PTPRD: variants seen among roughly 807,000 people sequenced by gnomAD.
PTPRD encodes protein tyrosine phosphatase receptor type D.
PTPRD carries 34 observed loss-of-function variants against 214.5 expected under a neutral mutation model. The observed-to-expected ratio is 0.16, with a 90% CI of 0.12 to 0.21. The LOEUF (loss-of-function observed/expected upper bound fraction) is 0.21, where lower values mean the gene tolerates loss of function less well. Ranked by LOEUF, PTPRD falls within the 10% of genes least tolerant of loss-of-function variation. The pLI is 1.00. For missense variants in PTPRD, 2,545 were observed against 2,398.7 expected (o/e 1.06, Z -1.27); for synonymous variants, 1,128 against 845.7 (o/e 1.33, Z -5.79).
Position 10,155,313 on chromosome 9 carries a change from T to C in PTPRD, c.-544-121523A>G, listed in dbSNP as rs921863320. Among the ~76,000 whole-genome samples the C allele has an allele frequency of 5.9e-5, 9 of 152,238 alleles. 1 individual carries two copies. The highest frequency in any genetic ancestry group is 2.2e-4 in the African/African-American group (9 of 41,556). On this transcript the variant is annotated intron_variant, in intron 3 of 45. Coordinates refer to ENST00000381196, the MANE Select transcript of PTPRD (RefSeq NM_002839.4). ...ATGTTGGTTTTATATCATGAGACTT[T>C]GCTGAAGTTGTTTACCAGCTGAAGG... is the stretch of plus-strand genomic sequence containing the variant.
chr9:10,253,026 C>T (rs746457883), intron 3 of PTPRD, among the ~76,000 whole-genome samples: 49 of 152,094 alleles, frequency 3.2e-4, no homozygotes, highest in South Asian at 2.1e-4. Context: ...TCAGGTGATC[C>T]GTCTGCCTTG....
At chr9:9,034,825 G>T (rs552192009) in intron 10 of PTPRD, among the ~76,000 whole-genome samples, 1 of 152,270 alleles carries the variant, frequency 6.6e-6, no homozygotes, top group South Asian at 2.1e-4. Context: ...CATGGGACAG[G>T]AACACCACTC....
intron 21 of PTPRD, among the ~76,000 whole-genome samples, chr9:8,516,745 A>G (rs1300327971): frequency 6.6e-6 from 1 of 151,834 alleles, no homozygotes; most frequent in Non-Finnish European, 1.5e-5. Flanking sequence ...GGTTTAAAAG[A>G]TGCCAACACA....
intron 21 of PTPRD, among the ~76,000 whole-genome samples, chr9:8,515,218 T>A (rs1009635587): frequency 9.9e-5 from 15 of 152,236 alleles, no homozygotes; most frequent in African/African-American, 3.4e-4. Flanking sequence ...AATCACGTTT[T>A]ATCCTCTTTG....
At chr9:9,549,286 G>A (rs1359584896) in intron 8 of PTPRD, among the ~76,000 whole-genome samples, 2 of 151,770 alleles carry the variant, frequency 1.3e-5, no homozygotes, top group East Asian at 3.9e-4. Context: ...AGACACACAC[G>A]ACAAAGGACT....
intron 9 of PTPRD, among the ~76,000 whole-genome samples, chr9:9,242,499 G>A (rs1306219302): frequency 2.0e-5 from 3 of 151,980 alleles, no homozygotes; most frequent in African/African-American, 7.3e-5. Flanking sequence ...ACGTAGATTT[G>A]GTCTTTTCAC....
At chr9:10,114,374 T>C (rs957932604) in intron 3 of PTPRD, among the ~76,000 whole-genome samples, 2 of 152,158 alleles carry the variant, frequency 1.3e-5, no homozygotes, top group African/African-American at 4.8e-5. Context: ...ATTTTCTTGA[T>C]TCTTAGGCTA....
At chr9:8,492,763 C>A in intron 27 of PTPRD, 99 bp downstream of exon 27, 2 of 756,138 alleles carry the variant, frequency 2.6e-6, no homozygotes, top group Non-Finnish European at 4.0e-6. Context: ...CATTTATTTC[C>A]TCTGATTTTA....
At chr9:9,025,484 A>C (rs2099583902) in intron 10 of PTPRD, among the ~76,000 whole-genome samples, 1 of 152,040 alleles carries the variant, frequency 6.6e-6, no homozygotes, top group Non-Finnish European at 1.5e-5. Flanking sequence ...AGACATTCTT[A>C]TTCCCTGATA....
chr9:10,381,786 A>G (rs1565670638), intron 2 of PTPRD, among the ~76,000 whole-genome samples: 2 of 151,956 alleles, frequency 1.3e-5, no homozygotes, highest in Admixed American at 6.6e-5. Flanking sequence ...GGAAAATAAT[A>G]TTATGTCATA....
At chr9:8,679,112 T>C (rs916271091) in intron 12 of PTPRD, among the ~76,000 whole-genome samples, 1 of 152,236 alleles carries the variant, frequency 6.6e-6, no homozygotes, top group East Asian at 1.9e-4. Context: ...ATAGCAACCA[T>C]TAGCCTCAAC....
chr9:8,338,564 A>C (rs968949771), intron 43 of PTPRD, among the ~76,000 whole-genome samples: 1 of 152,136 alleles, frequency 6.6e-6, no homozygotes, highest in African/African-American at 2.4e-5. Context: ...TTAGAGCCTC[A>C]AGTAATGAAG....
chr9:8,660,583 C>G (rs888612512), intron 12 of PTPRD, among the ~76,000 whole-genome samples: 4 of 152,076 alleles, frequency 2.6e-5, no homozygotes, highest in East Asian at 3.9e-4. Flanking sequence ...GGCTCCCAGC[C>G]CCTCAGTGAA....
rs1555471552 is a variant in PTPRD, at chr9:10,523,622, T to TAGAGAGAGAGAGAGAGAGAGAG, written c.-600+88775_-600+88776insCTCTCTCTCTCTCTCTCTCTCT. On this transcript the variant is annotated intron_variant, in intron 2 of 45. Transcript: ENST00000381196. ...ATCTGTATATATATATATATATATA[T>TAGAGAGAGAGAGAGAGAGAGAG]AGACAGAAAGAAAGGGAGAGAGAGA... is the stretch of plus-strand genomic sequence containing the variant. Among the ~76,000 whole-genome samples, 59 of 131,382 alleles carry TAGAGAGAGAGAGAGAGAGAGAG rather than the reference T, an allele frequency of 4.5e-4. 1 individual carries two copies. The highest frequency in any genetic ancestry group is 2.4e-4 in the South Asian group (1 of 4,084). 86.2% of individuals were successfully genotyped at this position (131,382 alleles called of 152,430 possible). A position where few individuals can be genotyped will look rare whatever the true frequency, so the allele number is the denominator to read the frequency against.
intron 5 of PTPRD, among the ~76,000 whole-genome samples, chr9:9,924,399 G>A (rs2083554714): frequency 6.6e-6 from 1 of 152,002 alleles, no homozygotes. Flanking sequence ...TTCTGTTGCT[G>A]TTATTATAAG....
chr9:9,958,093 C>T (rs1034262632), intron 4 of PTPRD, among the ~76,000 whole-genome samples: 4 of 152,146 alleles, frequency 2.6e-5, no homozygotes, highest in African/African-American at 4.8e-5. Context: ...ATAGATCAAA[C>T]ACCTAAATAT....
At chr9:10,170,714 A>T (rs1277199566) in intron 3 of PTPRD, among the ~76,000 whole-genome samples, 1 of 152,184 alleles carries the variant, frequency 6.6e-6, no homozygotes, top group Non-Finnish European at 1.5e-5. Context: ...ATCATTTTCT[A>T]AACAATACAG....
chr9:8,367,653 T>C (rs554512381), intron 39 of PTPRD, among the ~76,000 whole-genome samples: 173 of 152,334 alleles, frequency 1.1e-3, no homozygotes, highest in African/African-American at 4.0e-3. Flanking sequence ...TCTATGTTAA[T>C]GTATACATGC....
intron 12 of PTPRD, among the ~76,000 whole-genome samples, chr9:8,703,762 G>C (rs746354552): frequency 2.6e-4 from 40 of 152,128 alleles, no homozygotes; most frequent in Non-Finnish European, 5.0e-4. Context: ...ACTTCCAAGA[G>C]AATATCCCCA....
Sources: gnomAD v4.1 joint callset for allele counts (sites outside exome capture counted in the v4.1 genomes callset) on GRCh38, gnomAD v4.1.1 for gene constraint, MANE v1.5 for transcripts, NCBI Gene and HGNC (gene_info 2026-07-23, HGNC 2026-07-21) for gene names.